The following HSD11B1 variants were observed in gnomAD, a reference collection of about 807,000 sequenced individuals.
HSD11B1 encodes the protein 11-beta-hydroxysteroid dehydrogenase 1.
Under a neutral mutation model 22.1 loss-of-function variants are expected in HSD11B1, and 15 were observed. The ratio of observed to expected loss-of-function variants is 0.68; its 90% CI spans 0.45 to 1.04. HSD11B1 has a LOEUF of 1.04. Among genes scored for constraint, HSD11B1 ranks in the 50% least tolerant of loss-of-function variants. The pLI is 0.00. For synonymous variants in HSD11B1, 122 were observed against 125.2 expected, an observed-to-expected ratio of 0.97 and a Z score of 0.17; for missense variants, 281 against 357.6, an observed-to-expected ratio of 0.79 and a Z score of 1.73.
intron 1 of HSD11B1, among the ~76,000 whole-genome samples, chr1:209,698,046 G>GT (rs1190282165): frequency 6.6e-6 from 1 of 151,458 alleles, no homozygotes; most frequent in Non-Finnish European, 1.5e-5. Flanking sequence ...ATGTTTTAGT[G>GT]TAAGTATGTT....
intron 4 of HSD11B1, among the ~76,000 whole-genome samples, chr1:209,712,082 G>A (rs757832191): frequency 2.6e-5 from 4 of 152,098 alleles, no homozygotes; most frequent in Non-Finnish European, 5.9e-5. Flanking sequence ...GTATCTTTAC[G>A]TTTCCTTACC....
rs2076796219 is a variant in HSD11B1, at chr1:209,697,165, C to T, written c.-48-7730C>T. ...CCAGGCTTCTTACTGTGTAACCCCACCTTGTAAAATTCAGTTATCCAGCCA... is the reference window on the plus strand; with the variant it reads ...CCAGGCTTCTTACTGTGTAACCCCATCTTGTAAAATTCAGTTATCCAGCCA... On this transcript the variant is annotated intron_variant, in intron 1 of 6. Transcript: ENST00000261465. Among the ~76,000 whole-genome samples the T allele has an allele frequency of 2.0e-5, 3 of 152,202 alleles. No individual in the cohort carries two copies. The South Asian group carries it at 6.2e-4, about 32-fold the overall frequency.
intron 4 of HSD11B1, among the ~76,000 whole-genome samples, chr1:209,730,859 A>AT (rs2077031324): frequency 6.6e-6 from 1 of 152,234 alleles, no homozygotes; most frequent in Admixed American, 6.5e-5. Context: ...GATTACAACT[A>AT]TAAGCTTTTG....
intron 4 of HSD11B1, among the ~76,000 whole-genome samples, chr1:209,708,604 T>C (rs541763312): frequency 6.6e-6 from 1 of 152,318 alleles, no homozygotes; most frequent in African/African-American, 2.4e-5. Flanking sequence ...ACATCCCCAA[T>C]CCATCCCAGG....
intron 4 of HSD11B1, among the ~76,000 whole-genome samples, chr1:209,723,694 C>T (rs1193706485): frequency 4.6e-5 from 7 of 152,216 alleles, no homozygotes; most frequent in South Asian, 2.1e-4. Context: ...TTGTTCTTTC[C>T]TCTCTTTCCC....
At chr1:209,718,050 T>C (rs1301503853) in intron 4 of HSD11B1, among the ~76,000 whole-genome samples, 1 of 152,072 alleles carries the variant, frequency 6.6e-6, no homozygotes, top group Non-Finnish European at 1.5e-5. Flanking sequence ...GTTTATCTCA[T>C]GAAGGTAGAG....
chr1:209,698,188 T>C (rs1355583315), intron 1 of HSD11B1, among the ~76,000 whole-genome samples: 1 of 150,964 alleles, frequency 6.6e-6, no homozygotes, highest in African/African-American at 2.4e-5. Flanking sequence ...GATAGATAGA[T>C]AGATAGATAG....
At position 209,704,920 on chromosome 1, in the gene HSD11B1, T is replaced by G. The variant is rs750137501; in HGVS notation, c.-23T>G. ...GTTCTCTCTGTGTGTCCTACAGGAG[T>G]CTTCAGGCCAGCTCCCTGTCGGATG... On this transcript the variant is annotated 5_prime_UTR_variant, in exon 1 of 6. Transcript: ENST00000367027. The G allele has an allele frequency of 2.5e-6, 4 of 1,590,626 alleles. No individual in the cohort carries two copies. The highest frequency in any genetic ancestry group is 3.5e-6 in the Non-Finnish European group (4 of 1,158,926).
upstream of HSD11B1, among the ~76,000 whole-genome samples, chr1:209,702,474 A>G (rs2076831686): frequency 6.6e-6 from 1 of 152,220 alleles, no homozygotes; most frequent in African/African-American, 2.4e-5. Flanking sequence ...AAAGTGGATT[A>G]GATGTTTATT....
At chr1:209,702,340 T>C (rs754413204), upstream of HSD11B1, among the ~76,000 whole-genome samples, 9 of 152,166 alleles carry the variant, frequency 5.9e-5, no homozygotes, top group Non-Finnish European at 1.2e-4. Context: ...AGCAAGTTTA[T>C]TGAATGCCTA....
chr1:209,704,967 C>T lies in HSD11B1; in HGVS notation c.25C>T (p.Leu9Phe), dbSNP rs769749930. The change falls in exon 1 of 6, where the codon CTC (leucine) becomes TTC (phenylalanine). Residue 9 changes from leucine (L) to phenylalanine (F), a missense_variant. Physicochemically the swap from Leu to Phe is conservative, Grantham distance 22. Coordinates refer to ENST00000367027, the MANE Select transcript of HSD11B1 (RefSeq NM_005525.4). The part of the protein sequence containing the change: MAFMKKYL[L>F]PILGLFMAYY... ...GATGGCTTTTATGAAAAAATATCTC[C>T]TCCCCATTCTGGGGCTCTTCATGGC... 21 of 1,613,864 alleles carry T rather than the reference C, an allele frequency of 1.3e-5. No homozygotes were observed. Among genetic ancestry groups the T allele is most frequent in the Non-Finnish European group, 1.7e-5 (20 of 1,179,786 alleles).
At position 209,734,569 on chromosome 1, in the gene HSD11B1, T is replaced by C. The variant is rs558372350; in HGVS notation, c.*48T>C. The C allele has an allele frequency of 1.3e-4, 175 of 1,361,688 alleles. 1 individual carries two copies. The South Asian group carries it at 1.8e-3, about 14-fold the overall frequency. The allele number at this position is 1,361,688 out of a possible 1,614,324, so 84.4% of individuals were successfully genotyped here. A position where few individuals can be genotyped will look rare whatever the true frequency, so the allele number is the denominator to read the frequency against. The stretch of plus-strand genomic sequence containing the variant: ...GCTGAGGGATTTTGGGACTGTTCTG[T>C]CTCATGTTTATCTGAGCTCTTATCT... On this transcript the variant is annotated 3_prime_UTR_variant, in exon 6 of 6. Coordinates refer to ENST00000367027, the MANE Select transcript of HSD11B1 (RefSeq NM_005525.4).
chr1:209,697,523 G>C (rs547898124), intron 1 of HSD11B1, among the ~76,000 whole-genome samples: 2 of 152,026 alleles, frequency 1.3e-5, no homozygotes, highest in Non-Finnish European at 2.9e-5. Flanking sequence ...TTATTTCCAC[G>C]TCTTCTTCTT....
At position 209,704,901 on chromosome 1, in the gene HSD11B1, T is replaced by C; in HGVS notation, c.-42T>C. On this transcript the variant is annotated 5_prime_UTR_variant, in exon 1 of 6. Transcript: ENST00000367027. The stretch of plus-strand genomic sequence containing the variant: ...GTTGTAGAAAGCTCTGTAGGTTCTC[T>C]CTGTGTGTCCTACAGGAGTCTTCAG... 6.8e-7 allele frequency: 1 copy of C among 1,464,168 alleles called. No individual in the cohort carries two copies. The highest frequency in any genetic ancestry group is 9.6e-7 in the Non-Finnish European group (1 of 1,043,814). 90.7% of individuals were successfully genotyped at this position (1,464,168 alleles called of 1,614,324 possible).
chr1:209,710,885 T>A (rs572789407), intron 4 of HSD11B1, among the ~76,000 whole-genome samples: 1 of 152,348 alleles, frequency 6.6e-6, no homozygotes, highest in South Asian at 2.1e-4. Context: ...TTTCCCTATA[T>A]ATAGATAGTC....
At chr1:209,722,087 G>A (rs17015069) in intron 4 of HSD11B1, among the ~76,000 whole-genome samples, 2,578 of 152,174 alleles carry the variant, frequency 0.017, 93 homozygotes, top group African/African-American at 0.058. Flanking sequence ...AGGCAGAACC[G>A]GTTTGGGCCC....
Position 209,699,324 on chromosome 1 carries a change from A to C in HSD11B1, c.-48-5571A>C, listed in dbSNP as rs74470780. 5.9e-3 allele frequency among the ~76,000 whole-genome samples: 891 copies of C among 152,212 alleles called. 29 individuals carry two copies. The East Asian group carries it at 0.073, about 12-fold the overall frequency. ...ACATACCTGAAACTGGGAACAAAAG[A>C]GGTTTAGCTGGATTACAGTTCCACT... On this transcript the variant is annotated intron_variant, in intron 1 of 6. Coordinates refer to the HSD11B1 transcript ENST00000261465.
intron 4 of HSD11B1, among the ~76,000 whole-genome samples, chr1:209,729,896 G>C (rs2077025404): frequency 6.6e-6 from 1 of 152,168 alleles, no homozygotes; most frequent in South Asian, 2.1e-4. Context: ...CATTTCAGTA[G>C]ATGATGAAAA....
intron 1 of HSD11B1, among the ~76,000 whole-genome samples, chr1:209,688,646 G>A (rs1417120404): frequency 2.0e-5 from 3 of 152,126 alleles, no homozygotes; most frequent in Non-Finnish European, 4.4e-5. Flanking sequence ...TAACTTGGGG[G>A]TAAGTAGAAG....
Sources: gnomAD v4.1 joint callset for allele counts (sites outside exome capture counted in the v4.1 genomes callset) on GRCh38, gnomAD v4.1.1 for gene constraint, MANE v1.5 for transcripts, NCBI Gene and HGNC (gene_info 2026-07-23, HGNC 2026-07-21) for gene names.